The following ADCY2 variants were observed in gnomAD, a reference collection of about 807,000 sequenced individuals.
ADCY2 encodes the protein adenylate cyclase type 2.
In ADCY2, 31 loss-of-function variants were observed where a neutral mutation model predicts 125.2. The ratio of observed to expected loss-of-function variants is 0.25; its 90% CI spans 0.19 to 0.33. The LOEUF is 0.33. Ranked by LOEUF, ADCY2 falls within the 10% of genes least tolerant of loss-of-function variation. The pLI is 1.00. For missense variants in ADCY2, 904 were observed against 1,418.2 expected (o/e 0.64, Z 5.82); for synonymous variants, 512 against 548.4 (o/e 0.93, Z 0.93).
At position 7,826,739 on chromosome 5, in the gene ADCY2, C is replaced by T. The variant is rs374607075; in HGVS notation, c.3144C>T (p.Leu1048=). 30 of 1,613,922 alleles carry T rather than the reference C, an allele frequency of 1.9e-5. No individual in the cohort carries two copies. The highest frequency in any genetic ancestry group is 3.3e-5 in the Admixed American group (2 of 60,000). The stretch of plus-strand genomic sequence containing the variant: ...TCTAGGTTACCGAGGAGACGAGCCT[C>T]GTCCTGCAGACCCTCGGATACACGT... ...DKIQVTEETS[L]VLQTLGYTCT... The change falls in exon 25 of 25, where the codon CTC becomes CTT. Residue 1048 remains leucine, a synonymous_variant. Transcript: ENST00000338316.
chr5:7,416,847 T>C (rs34458756), intron 2 of ADCY2, among the ~76,000 whole-genome samples: 16,933 of 152,174 alleles, frequency 0.11, 1,138 homozygotes, highest in African/African-American at 0.18. Context: ...GGTGGTCTCT[T>C]CTTGCACCAA....
At chr5:7,490,947 T>C (rs1190301970) in intron 2 of ADCY2, among the ~76,000 whole-genome samples, 1 of 152,130 alleles carries the variant, frequency 6.6e-6, no homozygotes, top group South Asian at 2.1e-4. Context: ...ATATACGTAA[T>C]TGAGGACATA....
At position 7,660,233 on chromosome 5, in the gene ADCY2, AGG is replaced by A. The variant is rs1491558748; in HGVS notation, c.721-30456_721-30455del. On this transcript the variant is annotated intron_variant, in intron 4 of 24. Coordinates refer to ENST00000338316, the MANE Select transcript of ADCY2 (RefSeq NM_020546.3). ...AAAGGATGGAGGGAGGGAGGGAGGG[AGG>A]GAGAGAAGGAAGGAAGGAAGGAAGG... Among the ~76,000 whole-genome samples the A allele has an allele frequency of 1.4e-3, 185 of 133,008 alleles. 1 individual carries two copies. The highest frequency in any genetic ancestry group is 3.2e-3 in the African/African-American group (115 of 36,198). The allele number at this position is 133,008 out of a possible 152,430, so 87.3% of individuals were successfully genotyped here.
chr5:7,706,695 G>T, intron 7 of ADCY2, 49 bp from the exon 8 acceptor site: 1 of 1,598,820 alleles, frequency 6.3e-7, no homozygotes, highest in Non-Finnish European at 8.6e-7. Flanking sequence ...AAGAGTTAAA[G>T]GAAACAGTGG....
At chr5:7,608,509 G>T (rs1178675925) in intron 3 of ADCY2, among the ~76,000 whole-genome samples, 1 of 152,118 alleles carries the variant, frequency 6.6e-6, no homozygotes, top group African/African-American at 2.4e-5. Flanking sequence ...CCAGGAGGAG[G>T]AGGTTGCAGT....
At chr5:7,706,657 G>T in intron 7 of ADCY2, 87 bp from the exon 8 acceptor site, 1 of 1,491,098 alleles carries the variant, frequency 6.7e-7, no homozygotes, top group Non-Finnish European at 9.2e-7. Flanking sequence ...GAAAAATTCT[G>T]AATAATAAAA....
chr5:7,713,053 A>G (rs752001617), intron 11 of ADCY2, among the ~76,000 whole-genome samples, 154 bp downstream of exon 11: 4 of 152,196 alleles, frequency 2.6e-5, no homozygotes, highest in Non-Finnish European at 5.9e-5. Flanking sequence ...TTCTAAAAAT[A>G]GAATCATTGG....
At chr5:7,555,060 C>T (rs895463072) in intron 3 of ADCY2, among the ~76,000 whole-genome samples, 5 of 152,160 alleles carry the variant, frequency 3.3e-5, no homozygotes, top group East Asian at 1.9e-4. Context: ...GCCATGAATA[C>T]GTGAGTGGGT....
chr5:7,710,317 C>G (rs1168931908), intron 10 of ADCY2, among the ~76,000 whole-genome samples: 1 of 152,158 alleles, frequency 6.6e-6, no homozygotes, highest in Non-Finnish European at 1.5e-5. Context: ...GACGGAAGAC[C>G]ATGACCCATC....
At chr5:7,488,418 A>G (rs1743026052) in intron 2 of ADCY2, among the ~76,000 whole-genome samples, 2 of 152,108 alleles carry the variant, frequency 1.3e-5, no homozygotes, top group South Asian at 4.2e-4. Context: ...CAGGATTTCC[A>G]GGTGGTATGT....
At chr5:7,739,513 G>T (rs1742352592) in intron 14 of ADCY2, among the ~76,000 whole-genome samples, 1 of 151,606 alleles carries the variant, frequency 6.6e-6, no homozygotes, top group Non-Finnish European at 1.5e-5. Context: ...TTAGGAAGCA[G>T]AAAAAGATGA....
chr5:7,673,287 A>ATATATATATATATATATATATATAT (rs58507866), intron 4 of ADCY2, among the ~76,000 whole-genome samples: 3 of 31,264 alleles, frequency 9.6e-5, no homozygotes, highest in African/African-American at 2.9e-4. Context: ...TATATATATA[A>ATATATATATATATATATATATATAT]AATTAGCCAG....
At chr5:7,448,743 G>A (rs185885637) in intron 2 of ADCY2, among the ~76,000 whole-genome samples, 1 of 152,198 alleles carries the variant, frequency 6.6e-6, no homozygotes, top group East Asian at 1.9e-4. Flanking sequence ...TTGGTTTTCT[G>A]TTCCCGAGTT....
At chr5:7,700,241 A>T (rs1741034559) in intron 7 of ADCY2, among the ~76,000 whole-genome samples, 2 of 152,200 alleles carry the variant, frequency 1.3e-5, no homozygotes, top group Non-Finnish European at 2.9e-5. Flanking sequence ...CTGTGATTCC[A>T]GAGAAGATTT....
chr5:7,626,356 A>T, intron 4 of ADCY2, 40 bp downstream of exon 4: 1 of 1,599,702 alleles, frequency 6.3e-7, no homozygotes, highest in Non-Finnish European at 8.5e-7. Flanking sequence ...TATTTTAGTC[A>T]TTATTAAAAT....
At chr5:7,798,425 G>A (rs1035569728) in intron 20 of ADCY2, 1 of 152,190 alleles carries the variant, frequency 6.6e-6, no homozygotes, top group Admixed American at 6.5e-5. Context: ...TGGATGGTTT[G>A]GAAAACCCAG....
At chr5:7,467,500 T>C (rs1742169562) in intron 2 of ADCY2, among the ~76,000 whole-genome samples, 1 of 152,212 alleles carries the variant, frequency 6.6e-6, no homozygotes, top group Admixed American at 6.5e-5. Flanking sequence ...CAACTTGTGC[T>C]AACTGGCCTT....
chr5:7,743,119 C>T (rs1742489383), intron 14 of ADCY2, among the ~76,000 whole-genome samples: 2 of 152,038 alleles, frequency 1.3e-5, no homozygotes, highest in African/African-American at 2.4e-5. Flanking sequence ...CTTTTGAGTT[C>T]ATTGGCTCAC....
intron 3 of ADCY2, among the ~76,000 whole-genome samples, chr5:7,572,745 C>T (rs554309496): frequency 6.6e-6 from 1 of 152,156 alleles, no homozygotes; most frequent in Admixed American, 6.5e-5. Context: ...AGGTTGTCTT[C>T]TAGGGTTTTT....
Sources: allele counts gnomAD v4.1 joint callset (sites outside exome capture counted in the v4.1 genomes callset), GRCh38; gene constraint gnomAD v4.1.1; transcripts MANE v1.5; gene names NCBI Gene and HGNC (gene_info 2026-07-23, HGNC 2026-07-21).